Variants in MYO9A observed in about 807,000 individuals in gnomAD.
MYO9A encodes the protein unconventional myosin-IXa.
Under a neutral mutation model 293.3 loss-of-function variants are expected in MYO9A, and 103 were observed. That is an observed-to-expected ratio of 0.35 (90% confidence interval 0.30 to 0.41). The LOEUF is 0.41. MYO9A is among the 10% of genes least tolerant of loss of function. The pLI, the probability that MYO9A is intolerant of heterozygous loss-of-function variation, is 1.00. For missense variants in MYO9A, 2,685 were observed against 3,033.0 expected (o/e 0.89, Z 2.69); for synonymous variants, 1,001 against 1,035.7 (o/e 0.97, Z 0.64).
At chr15:72,031,573 T>C (rs1364184152) in intron 3 of MYO9A, among the ~76,000 whole-genome samples, 1 of 152,192 alleles carries the variant, frequency 6.6e-6, no homozygotes, top group Non-Finnish European at 1.5e-5. Flanking sequence ...GAAAACATCT[T>C]ACTGTACTAT....
intron 32 of MYO9A, among the ~76,000 whole-genome samples, chr15:71,875,347 G>A (rs937647400): frequency 1.3e-5 from 2 of 152,064 alleles, no homozygotes; most frequent in Non-Finnish European, 2.9e-5. Context: ...ATGTCAGCAT[G>A]TCAGCGTGAA....
chr15:72,090,985 TAAA>T (rs768298043), intron 1 of MYO9A, among the ~76,000 whole-genome samples: 2,052 of 149,776 alleles, frequency 0.014, 25 homozygotes, highest in Middle Eastern at 0.041. Context: ...AAAAAAAAAA[TAAA>T]TAAATAAAAA....
intron 28 of MYO9A, among the ~76,000 whole-genome samples, chr15:71,881,191 C>T (rs915516911): frequency 2.6e-5 from 4 of 151,918 alleles, no homozygotes; most frequent in African/African-American, 7.3e-5. Flanking sequence ...ATTTTCTCTA[C>T]AATTTTTCTC....
At chr15:72,116,249 T>C (rs2080972509) in intron 1 of MYO9A, among the ~76,000 whole-genome samples, 2 of 152,164 alleles carry the variant, frequency 1.3e-5, no homozygotes, top group South Asian at 4.1e-4. Flanking sequence ...TTATTATCTA[T>C]AATTTTAATG....
intron 23 of MYO9A, 122 bp from the exon 24 acceptor site, chr15:71,900,128 C>T (rs2057442936): frequency 1.9e-6 from 2 of 1,049,250 alleles, no homozygotes; most frequent in South Asian, 1.8e-5. Context: ...CAGCTAAATT[C>T]TTGGTGATTA....
chr15:71,897,387 G>C, intron 25 of MYO9A, 74 bp downstream of exon 25: 5 of 1,434,386 alleles, frequency 3.5e-6, no homozygotes, highest in South Asian at 1.5e-5. Flanking sequence ...CAAATAGTTG[G>C]AGCAGAACAA....
rs75236724 is a variant in MYO9A, at chr15:72,041,546, T to C, written c.840+4178A>G. The C allele has an allele frequency of 3.9e-3, 1,343 of 346,238 alleles. 35 individuals are homozygous for C. The East Asian group carries it at 0.067, about 17-fold the overall frequency. 21.4% of individuals were successfully genotyped at this position (346,238 alleles called of 1,614,324 possible). On this transcript the variant is annotated intron_variant, in intron 2 of 41. Transcript: ENST00000356056. ...TTAACATCTTCACTATTTTGCATGG[T>C]TGTCCTTTGAACATCATGAAGTCAC...
intron 32 of MYO9A, among the ~76,000 whole-genome samples, chr15:71,862,929 C>CTT (rs71131712): frequency 2.3e-4 from 30 of 130,122 alleles, no homozygotes; most frequent in Non-Finnish European, 3.4e-4. Context: ...CTTTTTTTGG[C>CTT]TTTTTTTTTT....
At chr15:71,833,515 T>C (rs1038272436) in intron 39 of MYO9A, among the ~76,000 whole-genome samples, 13 of 152,106 alleles carry the variant, frequency 8.5e-5, no homozygotes, top group African/African-American at 3.1e-4. Flanking sequence ...AAAAATAGAC[T>C]ATAATCAGTA....
chr15:71,978,390 G>T, intron 11 of MYO9A, 98 bp from the exon 12 acceptor site: 1 of 982,746 alleles, frequency 1.0e-6, no homozygotes, highest in South Asian at 2.1e-5. Flanking sequence ...AAAATTCTAA[G>T]ATTTTAAAAA....
chr15:71,955,577 A>G (rs1352804344), intron 14 of MYO9A, among the ~76,000 whole-genome samples: 1 of 152,220 alleles, frequency 6.6e-6, no homozygotes, highest in Non-Finnish European at 1.5e-5. Flanking sequence ...GTAGGAGTAT[A>G]TCACAATTTG....
At chr15:71,952,520 G>A (rs1298284564) in intron 14 of MYO9A, among the ~76,000 whole-genome samples, 1 of 152,124 alleles carries the variant, frequency 6.6e-6, no homozygotes, top group Non-Finnish European at 1.5e-5. Context: ...GTGAAAAATA[G>A]AAGAGAGCAC....
chr15:71,992,977 A>C (rs1416912873), intron 10 of MYO9A, among the ~76,000 whole-genome samples: 8 of 152,140 alleles, frequency 5.3e-5, no homozygotes, highest in African/African-American at 1.9e-4. Flanking sequence ...TAAATCTAAA[A>C]AGTAAATAAC....
At chr15:71,842,330 T>C (rs1196303734) in intron 39 of MYO9A, among the ~76,000 whole-genome samples, 1 of 151,926 alleles carries the variant, frequency 6.6e-6, no homozygotes, top group East Asian at 1.9e-4. Flanking sequence ...TGAGCCAAGA[T>C]TGTGCCACTG....
intron 39 of MYO9A, among the ~76,000 whole-genome samples, chr15:71,843,210 C>T (rs911258056): frequency 6.6e-6 from 1 of 152,014 alleles, no homozygotes; most frequent in African/African-American, 2.4e-5. Context: ...GGGTGGATCA[C>T]TTGAGGTCAG....
chr15:71,923,828 C>G (rs1270234585), intron 18 of MYO9A, among the ~76,000 whole-genome samples: 1 of 151,810 alleles, frequency 6.6e-6, no homozygotes, highest in Non-Finnish European at 1.5e-5. Flanking sequence ...TATTTTTAAG[C>G]CTCTATTTCA....
intron 11 of MYO9A, among the ~76,000 whole-genome samples, chr15:71,982,974 C>G (rs1198371437): frequency 1.3e-5 from 2 of 151,988 alleles, no homozygotes; most frequent in Admixed American, 6.5e-5. Context: ...TGCTTTTTTT[C>G]TTAAGGTTTA....
intron 34 of MYO9A, among the ~76,000 whole-genome samples, chr15:71,857,559 T>A (rs1320993786): frequency 4.6e-5 from 7 of 152,192 alleles, no homozygotes; most frequent in Admixed American, 2.0e-4. Context: ...TTTTACCTGC[T>A]TTTGGATATT....
intron 2 of MYO9A, among the ~76,000 whole-genome samples, chr15:72,033,620 G>A (rs2077946869): frequency 6.6e-6 from 1 of 152,148 alleles, no homozygotes. Flanking sequence ...GCAGATCAGC[G>A]GTTATCTGGG....
Sources: gnomAD v4.1 joint callset for allele counts (sites outside exome capture counted in the v4.1 genomes callset) on GRCh38, gnomAD v4.1.1 for gene constraint, MANE v1.5 for transcripts, NCBI Gene and HGNC (gene_info 2026-07-23, HGNC 2026-07-21) for gene names.